The following FRMPD4 variants were observed in gnomAD, a reference collection of about 807,000 sequenced individuals.
FRMPD4 encodes FERM and PDZ domain containing 4, also known as FERM and PDZ domain-containing protein 4.
A neutral mutation model predicts 94.1 loss-of-function variants in FRMPD4; 22 were observed. The ratio of observed to expected loss-of-function variants is 0.23; its 90% CI spans 0.17 to 0.33. FRMPD4 has a LOEUF of 0.33. FRMPD4 is among the 10% of genes least tolerant of loss of function. FRMPD4 has a pLI of 1.00. For synonymous variants in FRMPD4, 631 were observed against 548.6 expected, an observed-to-expected ratio of 1.15 and a Z score of -2.10; for missense variants, 1,111 against 1,339.9, an observed-to-expected ratio of 0.83 and a Z score of 2.67.
intron 1 of FRMPD4, among the ~76,000 whole-genome samples, chrX:12,381,468 G>A (rs2056317111): frequency 8.9e-6 from 1 of 112,093 alleles, no homozygotes; most frequent in African/African-American, 3.2e-5. Context: ...AGGCAAAAGT[G>A]TTCTTATAAC....
At chrX:12,292,645 A>G (rs1185193118) in intron 1 of FRMPD4, among the ~76,000 whole-genome samples, 2 of 111,915 alleles carry the variant, frequency 1.8e-5, no homozygotes, top group Non-Finnish European at 3.8e-5. Context: ...TCAGGGTCAC[A>G]TAACGAACAA....
At chrX:12,093,745 G>C (rs1394771571) in intron 3 of FRMPD4, among the ~76,000 whole-genome samples, 1 of 110,651 alleles carries the variant, frequency 9.0e-6, no homozygotes, top group Non-Finnish European at 1.9e-5. Context: ...ACTCAGTCTG[G>C]AGATCAGGGA....
At chrX:12,052,281 G>A (rs931427720) in intron 3 of FRMPD4, among the ~76,000 whole-genome samples, 1 of 111,582 alleles carries the variant, frequency 9.0e-6, no homozygotes, top group Non-Finnish European at 1.9e-5. Context: ...GAGAAAGGAA[G>A]CTTGTAAAAG....
intron 3 of FRMPD4, among the ~76,000 whole-genome samples, chrX:11,906,693 A>G (rs2053970172): frequency 9.0e-6 from 1 of 110,548 alleles, no homozygotes; most frequent in South Asian, 3.8e-4. Context: ...TTTTAGGTGT[A>G]GATATCTTTG....
intron 1 of FRMPD4, among the ~76,000 whole-genome samples, chrX:11,855,270 C>T (rs755611537): frequency 9.0e-6 from 1 of 111,195 alleles, no homozygotes; most frequent in South Asian, 3.9e-4. Flanking sequence ...AACCATTTTT[C>T]CCTCCTAGGC....
chrX:12,095,926 T>C (rs2055196833), intron 3 of FRMPD4, among the ~76,000 whole-genome samples: 1 of 112,267 alleles, frequency 8.9e-6, no homozygotes, highest in African/African-American at 3.2e-5. Context: ...TGTGAAAGCA[T>C]GTCTGGGCTT....
At chrX:12,470,593 T>A (rs2057500113) in intron 1 of FRMPD4, among the ~76,000 whole-genome samples, 1 of 112,440 alleles carries the variant, frequency 8.9e-6, no homozygotes, top group Admixed American at 9.4e-5. Flanking sequence ...GAATTAGTTG[T>A]GTTTGTGAAT....
chrX:12,652,023 T>C (rs945348233), intron 4 of FRMPD4, among the ~76,000 whole-genome samples: 2 of 112,613 alleles, frequency 1.8e-5, no homozygotes, highest in South Asian at 7.3e-4. Context: ...TTTAGTTATC[T>C]CACATTTCCC....
intron 1 of FRMPD4, among the ~76,000 whole-genome samples, chrX:12,243,883 C>A (rs2053917153): frequency 1.0e-5 from 1 of 96,067 alleles, no homozygotes; most frequent in South Asian, 5.4e-4. Flanking sequence ...GAGATCTTGA[C>A]CTCCTGGGCT....
intron 3 of FRMPD4, among the ~76,000 whole-genome samples, chrX:11,882,137 G>A (rs1284224889): frequency 9.0e-6 from 1 of 111,696 alleles, no homozygotes; most frequent in Non-Finnish European, 1.9e-5. Flanking sequence ...GCATAGAAGA[G>A]GAACACATTG....
At chrX:12,391,941 T>C (rs1467635300) in intron 1 of FRMPD4, among the ~76,000 whole-genome samples, 1 of 111,988 alleles carries the variant, frequency 8.9e-6, no homozygotes, top group African/African-American at 3.2e-5. Context: ...AACATTGTGC[T>C]GTGATGGAAT....
At chrX:12,357,239 A>T (rs2055908400) in intron 1 of FRMPD4, among the ~76,000 whole-genome samples, 1 of 112,023 alleles carries the variant, frequency 8.9e-6, no homozygotes, top group East Asian at 2.8e-4. Context: ...TAATATTTTC[A>T]TTGGGAGAAT....
chrX:12,252,756 A>G (rs766321617), intron 1 of FRMPD4, among the ~76,000 whole-genome samples: 10 of 112,264 alleles, frequency 8.9e-5, no homozygotes, highest in African/African-American at 3.2e-4. Context: ...GGTGTGTTCA[A>G]TATATCAAAG....
intron 2 of FRMPD4, among the ~76,000 whole-genome samples, chrX:12,543,370 A>G (rs2058437598): frequency 8.9e-6 from 1 of 112,219 alleles, no homozygotes; most frequent in Admixed American, 9.5e-5. Flanking sequence ...CAGAATCTAC[A>G]AAGAACTCAA....
chrX:12,091,189 C>T (rs910447121), intron 3 of FRMPD4, among the ~76,000 whole-genome samples: 2 of 111,728 alleles, frequency 1.8e-5, no homozygotes, highest in African/African-American at 6.5e-5. Context: ...GATCGAGAAG[C>T]TGAGGCACCA....
At chrX:11,878,793 GTATAT>G (rs1189856239) in intron 3 of FRMPD4, among the ~76,000 whole-genome samples, 2 of 112,069 alleles carry the variant, frequency 1.8e-5, no homozygotes, top group African/African-American at 3.2e-5. Context: ...CACTGGCACT[GTATAT>G]TATAAGACCC....
chrX:12,451,772 C>T (rs1420737062), intron 1 of FRMPD4, among the ~76,000 whole-genome samples: 5 of 92,887 alleles, frequency 5.4e-5, no homozygotes, highest in African/African-American at 1.8e-4. Flanking sequence ...GTGAATTCTA[C>T]TTACTTTCCT....
chrX:11,963,202 T>A (rs1601859140), intron 3 of FRMPD4, among the ~76,000 whole-genome samples: 1 of 112,513 alleles, frequency 8.9e-6, no homozygotes, highest in East Asian at 2.8e-4. Context: ...AGGTGATACA[T>A]GGAGAGGGCT....
chrX:12,279,199 A>G (rs1183751706), intron 1 of FRMPD4, among the ~76,000 whole-genome samples: 1 of 112,427 alleles, frequency 8.9e-6, no homozygotes, highest in Non-Finnish European at 1.9e-5. Context: ...AACGGTGATG[A>G]TGTAGTCTTG....
Sources: allele counts gnomAD v4.1 joint callset (sites outside exome capture counted in the v4.1 genomes callset), GRCh38; gene constraint gnomAD v4.1.1; transcripts MANE v1.5; gene names NCBI Gene and HGNC (gene_info 2026-07-23, HGNC 2026-07-21).